The following SRRM3 variants were observed in gnomAD, a reference collection of about 807,000 sequenced individuals.
SRRM3 encodes the protein serine/arginine repetitive matrix protein 3.
In SRRM3, 27 loss-of-function variants were observed where a neutral mutation model predicts 66.2. The ratio of observed to expected loss-of-function variants is 0.41; its 90% confidence interval spans 0.30 to 0.56. The LOEUF (loss-of-function observed/expected upper bound fraction) is 0.56, where lower values mean the gene tolerates loss of function less well. SRRM3 is among the 20% of genes least tolerant of loss of function. The pLI, the probability that SRRM3 is intolerant of heterozygous loss-of-function variation, is 0.32. For missense variants in SRRM3, 918 were observed against 991.9 expected (o/e 0.93, Z 1.00); for synonymous variants, 391 against 414.9 (o/e 0.94, Z 0.70).
chr7:76,283,815 T>TCTG (rs1802593827), intron 14 of SRRM3: 1 of 985,256 alleles, frequency 1.0e-6, no homozygotes, highest in African/African-American at 1.7e-5. Context: ...ACTGGAAGTG[T>TCTG]CTGGGCCTGG....
chr7:76,249,663 G>A (rs1801525047), intron 3 of SRRM3, among the ~76,000 whole-genome samples: 2 of 152,342 alleles, frequency 1.3e-5, no homozygotes, highest in East Asian at 1.9e-4. Flanking sequence ...CGTGTGCTCA[G>A]GGAGCGTTGC....
At chr7:76,284,813 T>C (rs976020429) in intron 14 of SRRM3, among the ~76,000 whole-genome samples, 1 of 152,200 alleles carries the variant, frequency 6.6e-6, no homozygotes, top group African/African-American at 2.4e-5. Context: ...CCTCCTGGCT[T>C]CCAACTAACT....
At chr7:76,271,395 T>G (rs890425253) in intron 11 of SRRM3, among the ~76,000 whole-genome samples, 2 of 152,130 alleles carry the variant, frequency 1.3e-5, no homozygotes, top group Non-Finnish European at 2.9e-5. Context: ...GAGAATCACT[T>G]GAGCTCAGGA....
rs1357116735 is a variant in SRRM3 at position 76,263,379 on chromosome 7, G to T, written c.675-1386G>T. The stretch of plus-strand genomic sequence containing the variant: ...GAAGGGATCTGGTGGCACCAGGGAG[G>T]ATGGGGCTGAGGATTGGGGTTGGGT... On this transcript the variant is annotated intron_variant, in intron 8 of 14. Transcript: ENST00000611745. 3.9e-5 allele frequency among the ~76,000 whole-genome samples: 6 copies of T among 152,326 alleles called. No individual in the cohort carries two copies. In the East Asian group the frequency reaches 1.2e-3, roughly 29 times the overall value.
rs533494868 is a variant in SRRM3 at position 76,272,750 on chromosome 7, G to A, written c.1008+5315G>A. ...GTGGCAGAGAAGGCTCAGGATCATG[G>A]CCTTGGGGCTCTCTCTGGCTTCTCC... On this transcript the variant is annotated intron_variant, in intron 11 of 14. Transcript: ENST00000611745. 2.0e-5 allele frequency among the ~76,000 whole-genome samples: 3 copies of A among 152,306 alleles called. No individual in the cohort carries two copies. The South Asian group carries it at 6.2e-4, about 32-fold the overall frequency.
intron 1 of SRRM3, among the ~76,000 whole-genome samples, chr7:76,206,344 G>A (rs1254010562): frequency 6.6e-6 from 1 of 152,196 alleles, no homozygotes; most frequent in Non-Finnish European, 1.5e-5. Context: ...GTGAGGGAGA[G>A]TGGGTTCAGA....
At chr7:76,238,969 C>A (rs1311662085) in intron 2 of SRRM3, among the ~76,000 whole-genome samples, 5 of 151,916 alleles carry the variant, frequency 3.3e-5, no homozygotes, top group Non-Finnish European at 7.4e-5. Flanking sequence ...GACGCCATGC[C>A]TCTTCTTGTA....
chr7:76,262,841 A>AAAGG (rs1248636348), intron 8 of SRRM3, among the ~76,000 whole-genome samples: 2 of 133,044 alleles, frequency 1.5e-5, no homozygotes, highest in East Asian at 2.6e-4. Context: ...AGAAAGAAAG[A>AAAGG]AAAGAAAAGG....
In SRRM3 at chr7:76,201,996, G is replaced by A. The variant is rs1800157072; in HGVS notation, c.-111G>A. 1 of 152,508 alleles carries A rather than the reference G, an allele frequency of 6.6e-6. No homozygotes were observed. Among genetic ancestry groups the A allele is most frequent in the African/African-American group, 2.4e-5 (1 of 41,474 alleles). 9.4% of individuals were successfully genotyped at this position (152,508 alleles called of 1,614,324 possible). A position where few individuals can be genotyped will look rare whatever the true frequency, so the allele number is the denominator to read the frequency against. On this transcript the variant is annotated 5_prime_UTR_variant, in exon 1 of 15. Coordinates refer to ENST00000611745, the MANE Select transcript of SRRM3 (RefSeq NM_001110199.3). ...CCCTGCCCAACTCAGCCCAGACTAGGCGGCAGCCCGGACCGGCGGGACCCG... is the reference window on the plus strand; with the variant it reads ...CCCTGCCCAACTCAGCCCAGACTAGACGGCAGCCCGGACCGGCGGGACCCG...
At chr7:76,264,312 A>C (rs542822638) in intron 8 of SRRM3, among the ~76,000 whole-genome samples, 5 of 152,032 alleles carry the variant, frequency 3.3e-5, no homozygotes, top group African/African-American at 1.2e-4. Context: ...GATTATAGGC[A>C]CACACCACCA....
intron 1 of SRRM3, among the ~76,000 whole-genome samples, chr7:76,209,256 C>G (rs183100305): frequency 6.6e-6 from 1 of 152,188 alleles, no homozygotes; most frequent in Non-Finnish European, 1.5e-5. Context: ...TCAGACTCTG[C>G]CTCTGACCTT....
intron 2 of SRRM3, among the ~76,000 whole-genome samples, chr7:76,241,633 A>G (rs548803177): frequency 6.6e-6 from 1 of 152,170 alleles, no homozygotes; most frequent in African/African-American, 2.4e-5. Flanking sequence ...CCTCCCGAGT[A>G]GCTGGGACTA....
rs1465763564 is a variant in SRRM3, at chr7:76,242,469, G to A, written c.234-5719G>A. 4.1e-5 allele frequency among the ~76,000 whole-genome samples: 6 copies of A among 146,582 alleles called. No individual in the cohort carries two copies. The South Asian group carries it at 1.1e-3, about 26-fold the overall frequency. ...CTTTGCACTCCAGCCTGAGCAACAGGAATGAAACTCTGTTTCCCAAAAAAA... is the reference window on the plus strand; with the variant it reads ...CTTTGCACTCCAGCCTGAGCAACAGAAATGAAACTCTGTTTCCCAAAAAAA... On this transcript the variant is annotated intron_variant, in intron 2 of 14. Coordinates refer to ENST00000611745, the MANE Select transcript of SRRM3 (RefSeq NM_001110199.3).
intron 8 of SRRM3, among the ~76,000 whole-genome samples, chr7:76,262,264 GGGAGGCTGAGGCAGGTGGATCGCTTGA>G (rs2117062350): frequency 6.6e-6 from 1 of 152,232 alleles, no homozygotes; most frequent in South Asian, 2.1e-4. Context: ...CCAGCACTGT[GGGAGGCTGAGGCAGGTGGATCGCTTGA>G]GGCCAGGAGT....
chr7:76,255,426 G>A (rs1351571369), intron 3 of SRRM3, among the ~76,000 whole-genome samples: 1 of 151,928 alleles, frequency 6.6e-6, no homozygotes, highest in Non-Finnish European at 1.5e-5. Context: ...TGGGATTATA[G>A]GCATGAGCCA....
At chr7:76,218,456 C>T (rs576239453) in intron 1 of SRRM3, among the ~76,000 whole-genome samples, 3 of 152,128 alleles carry the variant, frequency 2.0e-5, no homozygotes, top group Admixed American at 6.6e-5. Flanking sequence ...GCTCAGCAGC[C>T]CCAGGGAAGC....
At chr7:76,258,076 G>A (rs1801757407) in intron 3 of SRRM3, among the ~76,000 whole-genome samples, 1 of 152,184 alleles carries the variant, frequency 6.6e-6, no homozygotes, top group South Asian at 2.1e-4. Context: ...AGCAGGGACA[G>A]GAGGTGTCTG....
chr7:76,283,748 C>T, intron 14 of SRRM3: 1 of 1,188,256 alleles, frequency 8.4e-7, no homozygotes, highest in South Asian at 1.5e-5. Flanking sequence ...CCCTACACAG[C>T]TGTGGGGCTG....
chr7:76,246,672 A>G (rs1554606202), intron 2 of SRRM3, among the ~76,000 whole-genome samples: 1 of 152,232 alleles, frequency 6.6e-6, no homozygotes, highest in Non-Finnish European at 1.5e-5. Flanking sequence ...GTGTCCCTCC[A>G]TGCCCAGGGC....
Sources: gnomAD v4.1 joint callset for allele counts (sites outside exome capture counted in the v4.1 genomes callset) on GRCh38, gnomAD v4.1.1 for gene constraint, MANE v1.5 for transcripts, NCBI Gene and HGNC (gene_info 2026-07-23, HGNC 2026-07-21) for gene names.